The following ZNRF1 variants were observed in gnomAD, a reference collection of about 807,000 sequenced individuals.
The protein encoded by ZNRF1 is E3 ubiquitin-protein ligase ZNRF1.
Under a neutral mutation model 18.4 loss-of-function variants are expected in ZNRF1, and 3 were observed. The ratio of observed to expected loss-of-function variants is 0.16; its 90% CI spans 0.07 to 0.42. The LOEUF is 0.42. ZNRF1 is among the 10% of genes least tolerant of loss of function. The probability of loss-of-function intolerance (pLI) is 0.99; values close to 1 mark genes in which losing one functional copy is unlikely to be tolerated. For missense variants in ZNRF1, 310 were observed against 329.8 expected (o/e 0.94, Z 0.47); for synonymous variants, 157 against 144.2 (o/e 1.09, Z -0.64).
At chr16:75,050,850 G>A (rs1189956020) in intron 1 of ZNRF1, among the ~76,000 whole-genome samples, 5 of 118,124 alleles carry the variant, frequency 4.2e-5, no homozygotes, top group Admixed American at 1.1e-4. Context: ...CAGCCTGGGC[G>A]ACAGAGCAAG....
At chr16:75,009,260 A>AGTTTT (rs1199227183) in intron 1 of ZNRF1, among the ~76,000 whole-genome samples, 1 of 152,004 alleles carries the variant, frequency 6.6e-6, no homozygotes, top group Non-Finnish European at 1.5e-5. Flanking sequence ...CCACCTCCCC[A>AGTTTT]GTTTTGTTTT....
chr16:75,010,979 G>T (rs1208336078), intron 1 of ZNRF1, among the ~76,000 whole-genome samples: 1 of 152,216 alleles, frequency 6.6e-6, no homozygotes, highest in Non-Finnish European at 1.5e-5. Flanking sequence ...AGAGTGCTGG[G>T]ATTGCAGGCG....
At chr16:75,065,825 T>C (rs1360498021) in intron 1 of ZNRF1, among the ~76,000 whole-genome samples, 1 of 152,328 alleles carries the variant, frequency 6.6e-6, no homozygotes, top group East Asian at 1.9e-4. Flanking sequence ...TAGCCCCTCC[T>C]GTGGACACTC....
At chr16:75,032,488 A>G (rs1368806130) in intron 1 of ZNRF1, among the ~76,000 whole-genome samples, 2 of 152,072 alleles carry the variant, frequency 1.3e-5, no homozygotes, top group African/African-American at 2.4e-5. Context: ...GACTTTGTCA[A>G]TTGTCATTGC....
intron 1 of ZNRF1, among the ~76,000 whole-genome samples, chr16:75,067,430 T>C (rs781505740): frequency 2.0e-5 from 3 of 152,148 alleles, no homozygotes; most frequent in Middle Eastern, 3.2e-3. Context: ...GTGCTATCTT[T>C]GGAAAATACA....
intron 1 of ZNRF1, among the ~76,000 whole-genome samples, chr16:75,059,201 C>T (rs1349817155): frequency 1.4e-5 from 2 of 144,722 alleles, no homozygotes; most frequent in African/African-American, 2.5e-5. Context: ...TTTTCTTTTC[C>T]TTTCCTTCCT....
intron 1 of ZNRF1, among the ~76,000 whole-genome samples, chr16:75,042,233 C>T (rs2035457706): frequency 6.6e-6 from 1 of 152,064 alleles, no homozygotes; most frequent in African/African-American, 2.4e-5. Flanking sequence ...GAAGAGCAAA[C>T]ATTTTTAATT....
intron 1 of ZNRF1, among the ~76,000 whole-genome samples, chr16:75,004,490 G>A (rs1235527409): frequency 3.3e-5 from 5 of 152,116 alleles, no homozygotes; most frequent in South Asian, 2.1e-4. Context: ...GCCATTGAGG[G>A]CTTCACTTCA....
intron 1 of ZNRF1, among the ~76,000 whole-genome samples, chr16:75,047,726 A>C (rs1247952725): frequency 6.6e-6 from 1 of 152,050 alleles, no homozygotes; most frequent in Non-Finnish European, 1.5e-5. Context: ...TAAGCCCTTA[A>C]ATCTTTTGCC....
intron 1 of ZNRF1, among the ~76,000 whole-genome samples, chr16:75,050,708 A>G (rs961950760): frequency 8.6e-5 from 13 of 150,876 alleles, no homozygotes; most frequent in African/African-American, 3.2e-4. Flanking sequence ...CTCTACTAAA[A>G]AAATACAGAA....
chr16:75,089,800 G>T (rs908381954), intron 1 of ZNRF1, among the ~76,000 whole-genome samples: 1 of 152,084 alleles, frequency 6.6e-6, no homozygotes, highest in Non-Finnish European at 1.5e-5. Context: ...AGACCTTCTT[G>T]TTGGGTGGCC....
chr16:75,057,076 G>A (rs1430418669), intron 1 of ZNRF1, among the ~76,000 whole-genome samples: 2 of 152,100 alleles, frequency 1.3e-5, no homozygotes, highest in Non-Finnish European at 2.9e-5. Flanking sequence ...ACAGAGTACC[G>A]TAATGCTGTT....
intron 2 of ZNRF1, among the ~76,000 whole-genome samples, chr16:75,096,273 A>G (rs2036199797): frequency 6.6e-6 from 1 of 152,042 alleles, no homozygotes; most frequent in South Asian, 2.1e-4. Flanking sequence ...TTCATGTGGT[A>G]TGGACTCCTC....
intron 1 of ZNRF1, among the ~76,000 whole-genome samples, chr16:75,029,131 A>G (rs1245731521): frequency 8.0e-6 from 1 of 125,402 alleles, no homozygotes; most frequent in Non-Finnish European, 1.7e-5. Context: ...CTTTTTTATT[A>G]TTTTATTTTA....
At chr16:75,007,683 C>G (rs994656547) in intron 1 of ZNRF1, among the ~76,000 whole-genome samples, 18 of 152,172 alleles carry the variant, frequency 1.2e-4, no homozygotes, top group African/African-American at 3.6e-4. Context: ...ACCCCACTCA[C>G]AGAATTCAGT....
intron 1 of ZNRF1, among the ~76,000 whole-genome samples, chr16:75,071,155 A>G (rs2145400270): frequency 6.7e-6 from 1 of 149,404 alleles, no homozygotes; most frequent in Admixed American, 6.7e-5. Context: ...GCTGGAGTGC[A>G]GTGGTGCAAT....
intron 2 of ZNRF1, among the ~76,000 whole-genome samples, chr16:75,101,191 C>T (rs1219351532): frequency 6.6e-6 from 1 of 152,234 alleles, no homozygotes; most frequent in Non-Finnish European, 1.5e-5. Flanking sequence ...GCCTCAGCCT[C>T]CCAGAATGCT....
In ZNRF1 at chr16:75,075,685, T is replaced by G. The variant is rs72800362; in HGVS notation, c.425-17887T>G. ...GGCTACAGCAGTAAAATAAACAGAC[T>G]CTGCCTTCAAGGGGCTTATACTGTA... On this transcript the variant is annotated intron_variant, in intron 1 of 4. Transcript: ENST00000335325. 7.4e-3 allele frequency among the ~76,000 whole-genome samples: 1,131 copies of G among 152,338 alleles called. 5 individuals are homozygous for G. The highest frequency in any genetic ancestry group is 0.014 in the Middle Eastern group (4 of 294).
Position 75,108,715 on chromosome 16 carries a change from C to T in ZNRF1, c.*1015C>T. 2.5e-6 allele frequency: 1 copy of T among 395,164 alleles called. No homozygotes were observed. Among genetic ancestry groups the T allele is most frequent in the Admixed American group, 4.4e-5 (1 of 22,638 alleles). The allele number at this position is 395,164 out of a possible 1,614,324, so 24.5% of individuals were successfully genotyped here. ...TTAAAATGTCTAATAAAAGATGGCA[C>T]TGCGTGATTTTATTTTAATGAAGTG... On this transcript the variant is annotated 3_prime_UTR_variant, in exon 5 of 5. Coordinates refer to ENST00000335325, the MANE Select transcript of ZNRF1 (RefSeq NM_032268.5).
Sources: allele counts gnomAD v4.1 joint callset (sites outside exome capture counted in the v4.1 genomes callset), GRCh38; gene constraint gnomAD v4.1.1; transcripts MANE v1.5; gene names NCBI Gene and HGNC (gene_info 2026-07-23, HGNC 2026-07-21).